Variants in SUGCT observed in about 807,000 individuals in gnomAD.
The protein encoded by SUGCT is succinyl-CoA:glutarate CoA-transferase.
Under a neutral mutation model 55.0 loss-of-function variants are expected in SUGCT, and 41 were observed. The ratio of observed to expected loss-of-function variants is 0.74; its 90% CI spans 0.58 to 0.97. SUGCT has a LOEUF of 0.97. Among genes scored for constraint, SUGCT ranks in the 50% least tolerant of loss-of-function variants. The pLI, the probability that SUGCT is intolerant of heterozygous loss-of-function variation, is 0.00. For missense variants in SUGCT, 568 were observed against 547.8 expected, an observed-to-expected ratio of 1.04 and a Z score of -0.37; for synonymous variants, 187 against 200.4, an observed-to-expected ratio of 0.93 and a Z score of 0.56.
chr7:40,526,289 G>A (rs1340955676), intron 12 of SUGCT, among the ~76,000 whole-genome samples: 1 of 152,134 alleles, frequency 6.6e-6, no homozygotes, highest in Non-Finnish European at 1.5e-5. Flanking sequence ...TAAGGATTAA[G>A]TAGGAGAATA....
At chr7:40,283,520 C>T (rs769385809) in intron 8 of SUGCT, among the ~76,000 whole-genome samples, 3 of 152,030 alleles carry the variant, frequency 2.0e-5, no homozygotes, top group African/African-American at 4.8e-5. Context: ...TGAGCCACCG[C>T]GCCTGGCCAG....
At chr7:40,141,882 A>C (rs919415467) in intron 1 of SUGCT, 2 of 389,300 alleles carry the variant, frequency 5.1e-6, no homozygotes, top group Non-Finnish European at 1.0e-5. Flanking sequence ...TGGTGAGCAC[A>C]CACCTGGACA....
At position 40,401,919 on chromosome 7, in the gene SUGCT, G is replaced by A. The variant is rs191975487; in HGVS notation, c.817-47368G>A. Among the ~76,000 whole-genome samples the A allele has an allele frequency of 9.3e-4, 141 of 152,210 alleles. 1 individual carries two copies. The highest frequency in any genetic ancestry group is 1.7e-3 in the Non-Finnish European group (117 of 67,994). ...ACCATGATTCTGTTTCTTTCTTTCTGATACTTTTCAAAATGCTCCAAATTT... is the reference window on the plus strand; with the variant it reads ...ACCATGATTCTGTTTCTTTCTTTCTAATACTTTTCAAAATGCTCCAAATTT... On this transcript the variant is annotated intron_variant, in intron 9 of 13. Coordinates refer to ENST00000335693, the MANE Select transcript of SUGCT (RefSeq NM_001193313.2).
In SUGCT at chr7:40,636,437, T is replaced by G. The variant is rs115038504; in HGVS notation, c.1090-112997T>G. Among the ~76,000 whole-genome samples the G allele has an allele frequency of 1.7e-3, 261 of 152,300 alleles. 2 individuals are homozygous for G. Among genetic ancestry groups the G allele is most frequent in the African/African-American group, 6.1e-3 (255 of 41,566 alleles). ...GAGCCTGCAATTTACCCAGTGCTGC[T>G]TCTACCTCATTCTATTCATTAGGAA... On this transcript the variant is annotated intron_variant, in intron 12 of 13. Coordinates refer to ENST00000335693, the MANE Select transcript of SUGCT (RefSeq NM_001193313.2).
chr7:40,567,889 G>A (rs573796101), intron 12 of SUGCT, among the ~76,000 whole-genome samples: 21 of 152,282 alleles, frequency 1.4e-4, no homozygotes, highest in African/African-American at 5.1e-4. Context: ...AGCTACAGAA[G>A]GTTGCTGTTA....
At chr7:40,555,933 C>G (rs1238903026) in intron 12 of SUGCT, among the ~76,000 whole-genome samples, 2 of 152,048 alleles carry the variant, frequency 1.3e-5, no homozygotes, top group African/African-American at 2.4e-5. Flanking sequence ...TGTTACTCTT[C>G]TCTCTAACTT....
At chr7:40,909,657 C>T in the SUGCT span, among the ~76,000 whole-genome samples, 1 of 152,128 alleles carries the variant, frequency 6.6e-6, no homozygotes, top group Non-Finnish European at 1.5e-5. Flanking sequence ...ATCTGGAATT[C>T]TGTTTTCTCA....
intron 12 of SUGCT, among the ~76,000 whole-genome samples, chr7:40,502,974 C>A (rs1401420690): frequency 2.0e-5 from 3 of 152,046 alleles, no homozygotes; most frequent in Admixed American, 2.0e-4. Flanking sequence ...TTTTTGGCAA[C>A]CTCCTAAATT....
chr7:40,258,089 A>G (rs1790938869), intron 7 of SUGCT, among the ~76,000 whole-genome samples: 1 of 152,096 alleles, frequency 6.6e-6, no homozygotes, highest in South Asian at 2.1e-4. Flanking sequence ...CATCCACTCC[A>G]CTTCTAAAAT....
At chr7:40,525,624 C>T (rs1793755508) in intron 12 of SUGCT, among the ~76,000 whole-genome samples, 1 of 151,720 alleles carries the variant, frequency 6.6e-6, no homozygotes, top group Non-Finnish European at 1.5e-5. Context: ...CCGGTGATTT[C>T]TTGGATGAGA....
chr7:40,155,730 G>A (rs1401194702), intron 1 of SUGCT, among the ~76,000 whole-genome samples: 1 of 152,194 alleles, frequency 6.6e-6, no homozygotes, highest in Non-Finnish European at 1.5e-5. Flanking sequence ...TGATGTGGTG[G>A]TGTGTGTTTA....
chr7:40,617,471 T>TTA (rs1200268966), intron 12 of SUGCT, among the ~76,000 whole-genome samples: 3 of 135,722 alleles, frequency 2.2e-5, no homozygotes, highest in Non-Finnish European at 3.1e-5. Context: ...CTGGTTAGAT[T>TTA]TATATGTGTG....
intron 13 of SUGCT, among the ~76,000 whole-genome samples, chr7:40,807,610 C>T (rs1168067753): frequency 2.6e-5 from 4 of 152,270 alleles, no homozygotes; most frequent in African/African-American, 9.6e-5. Flanking sequence ...CATGATGAGG[C>T]TAACTTGGGG....
chr7:40,762,814 T>C (rs1430977431), intron 13 of SUGCT, among the ~76,000 whole-genome samples: 4 of 142,752 alleles, frequency 2.8e-5, no homozygotes, highest in South Asian at 2.1e-4. Flanking sequence ...ACAACTCTCT[T>C]TTTTTTTTTT....
In SUGCT at chr7:40,713,998, T is replaced by C. The variant is rs1352038130; in HGVS notation, c.1090-35436T>C. On this transcript the variant is annotated intron_variant, in intron 12 of 13. Coordinates refer to ENST00000335693, the MANE Select transcript of SUGCT (RefSeq NM_001193313.2). Reference sequence around the variant, plus strand: ...AGAAACATTTTAAACTTTATGTCAGTTTCCATGAGAACATTAATTAGCTAA... The same window carrying C: ...AGAAACATTTTAAACTTTATGTCAGCTTCCATGAGAACATTAATTAGCTAA... Among the ~76,000 whole-genome samples the C allele has an allele frequency of 3.3e-5, 5 of 152,292 alleles. No individual in the cohort carries two copies. The South Asian group carries it at 6.2e-4, about 19-fold the overall frequency.
At chr7:40,926,230 G>C in the SUGCT span, among the ~76,000 whole-genome samples, 1 of 152,076 alleles carries the variant, frequency 6.6e-6, no homozygotes, top group African/African-American at 2.4e-5. Context: ...TATTTCAATA[G>C]TAGTAATCAA....
At chr7:40,524,788 G>A (rs1429798900) in intron 12 of SUGCT, among the ~76,000 whole-genome samples, 4 of 152,196 alleles carry the variant, frequency 2.6e-5, no homozygotes, top group African/African-American at 7.2e-5. Context: ...GAGAAGCTTT[G>A]GTAGTTGGAG....
intron 12 of SUGCT, among the ~76,000 whole-genome samples, chr7:40,508,624 T>A (rs1792744996): frequency 1.3e-5 from 2 of 152,148 alleles, no homozygotes; most frequent in South Asian, 4.1e-4. Context: ...CCCTCACCAT[T>A]CTTACTAAGA....
intron 12 of SUGCT, among the ~76,000 whole-genome samples, chr7:40,705,666 AT>A (rs1428607408): frequency 6.6e-6 from 1 of 152,180 alleles, no homozygotes; most frequent in East Asian, 1.9e-4. Context: ...CAGAAGTAAT[AT>A]TTAATTTTTA....
Sources: gnomAD v4.1 joint callset for allele counts (sites outside exome capture counted in the v4.1 genomes callset) on GRCh38, gnomAD v4.1.1 for gene constraint, MANE v1.5 for transcripts, NCBI Gene and HGNC (gene_info 2026-07-23, HGNC 2026-07-21) for gene names.